The following WDPCP variants were observed in gnomAD, a reference collection of about 807,000 sequenced individuals.
WDPCP encodes the protein WD repeat containing planar cell polarity effector.
In WDPCP, 71 loss-of-function variants were observed where a neutral mutation model predicts 93.1. That is an observed-to-expected ratio of 0.76 (90% confidence interval 0.63 to 0.93). The LOEUF is 0.93. WDPCP is among the 40% of genes least tolerant of loss of function. WDPCP has a pLI of 0.00. For synonymous variants in WDPCP, 315 were observed against 315.0 expected, an observed-to-expected ratio of 1.00 and a Z score of 0.00; for missense variants, 844 against 887.4, an observed-to-expected ratio of 0.95 and a Z score of 0.62.
At chr2:63,798,590 A>G (rs1342836748) in intron 2 of WDPCP, among the ~76,000 whole-genome samples, 4 of 152,162 alleles carry the variant, frequency 2.6e-5, no homozygotes, top group African/African-American at 9.6e-5. Context: ...AAAATAAAAA[A>G]CAAGAAACTA....
chr2:63,295,129 A>T (rs562739546), intron 13 of WDPCP, among the ~76,000 whole-genome samples: 26 of 152,158 alleles, frequency 1.7e-4, no homozygotes, highest in Non-Finnish European at 2.9e-4. Context: ...CCCCATGATA[A>T]CTGCAAAGAA....
chr2:63,426,428 G>T (rs1413044522), intron 9 of WDPCP, among the ~76,000 whole-genome samples: 5 of 152,046 alleles, frequency 3.3e-5, no homozygotes, highest in Non-Finnish European at 7.4e-5. Flanking sequence ...TTCCAACCAA[G>T]AATTTCATAT....
chr2:63,461,028 ACTGATAGT>A (rs1435241069), intron 6 of WDPCP, among the ~76,000 whole-genome samples: 1 of 152,214 alleles, frequency 6.6e-6, no homozygotes, highest in Admixed American at 6.5e-5. Flanking sequence ...GGAAGAGACA[ACTGATAGT>A]CTGGGATCTA....
intron 2 of WDPCP, 147 bp from the exon 3 acceptor site, chr2:63,487,641 C>A: frequency 3.5e-6 from 2 of 569,886 alleles, no homozygotes; most frequent in East Asian, 2.9e-5. Flanking sequence ...CAAAAGCATC[C>A]GGAGATGAGT....
chr2:63,279,080 C>T (rs1335967071), intron 13 of WDPCP, among the ~76,000 whole-genome samples: 1 of 152,158 alleles, frequency 6.6e-6, no homozygotes, highest in Non-Finnish European at 1.5e-5. Flanking sequence ...ACCAATCCTA[C>T]TGACACTATT....
At chr2:63,588,101 C>T in intron 1 of WDPCP, 96 bp downstream of exon 1, 2 of 1,434,662 alleles carry the variant, frequency 1.4e-6, no homozygotes, top group African/African-American at 1.4e-5. Context: ...TTGCAGGCAT[C>T]CGCACAGCGG....
intron 13 of WDPCP, among the ~76,000 whole-genome samples, chr2:63,308,699 C>T (rs1290115049): frequency 1.3e-5 from 2 of 151,972 alleles, no homozygotes; most frequent in Non-Finnish European, 1.5e-5. Context: ...AGAGTGAGAA[C>T]ACATGGACAC....
chr2:63,405,532 AGTGTGTGTGTGTGTGTGTGTGTGTGTGT>A (rs55807956), intron 9 of WDPCP, among the ~76,000 whole-genome samples: 24 of 125,010 alleles, frequency 1.9e-4, no homozygotes, highest in African/African-American at 7.2e-4. Context: ...ATTTTGGTAT[AGTGTGTGTGTGTGTGTGTGTGTGTGTGT>A]GTGTGTGTGT....
intron 13 of WDPCP, among the ~76,000 whole-genome samples, chr2:63,260,558 A>G (rs1304860649): frequency 4.6e-5 from 7 of 152,116 alleles, no homozygotes; most frequent in Non-Finnish European, 1.0e-4. Flanking sequence ...TTATTTATTA[A>G]TTTATTTTTT....
chr2:63,217,358 AC>A (rs1001003307), intron 14 of WDPCP, among the ~76,000 whole-genome samples: 2 of 152,186 alleles, frequency 1.3e-5, no homozygotes, highest in African/African-American at 4.8e-5. Flanking sequence ...GGCCCACAAA[AC>A]CTAAAATACT....
intron 14 of WDPCP, among the ~76,000 whole-genome samples, chr2:63,214,456 A>G (rs1329127678): frequency 1.3e-5 from 2 of 152,228 alleles, no homozygotes; most frequent in Non-Finnish European, 2.9e-5. Flanking sequence ...TAAACTAGGT[A>G]TTCATGGGAT....
intron 14 of WDPCP, among the ~76,000 whole-genome samples, chr2:63,212,184 A>G (rs896341314): frequency 3.3e-5 from 5 of 152,304 alleles, no homozygotes; most frequent in Non-Finnish European, 7.3e-5. Context: ...CCGAAGTTGA[A>G]ATGAAGGAAA....
intron 2 of WDPCP, among the ~76,000 whole-genome samples, chr2:63,723,363 T>C (rs922237485): frequency 7.2e-5 from 11 of 152,158 alleles, no homozygotes; most frequent in African/African-American, 2.7e-4. Flanking sequence ...TCTTCAGATT[T>C]CAAAGTATAT....
intron 17 of WDPCP, among the ~76,000 whole-genome samples, chr2:63,135,229 G>T (rs1011847971): frequency 7.9e-5 from 12 of 152,212 alleles, no homozygotes; most frequent in Non-Finnish European, 1.3e-4. Flanking sequence ...ATGTTTTTAA[G>T]ATCTCAGTGA....
chr2:63,292,954 C>A (rs184325600), intron 13 of WDPCP, among the ~76,000 whole-genome samples: 87 of 152,294 alleles, frequency 5.7e-4, no homozygotes, highest in African/African-American at 2.1e-3. Context: ...CAACTGTGCA[C>A]ACCTTCCAGA....
intron 17 of WDPCP, among the ~76,000 whole-genome samples, chr2:63,149,773 G>GTTCCACTTAT (rs1671769226): frequency 6.6e-6 from 1 of 152,110 alleles, no homozygotes; most frequent in African/African-American, 2.4e-5. Context: ...AGTTCAGAAA[G>GTTCCACTTAT]AAGTAAAACT....
chr2:63,260,800 G>A (rs2951180), intron 13 of WDPCP, among the ~76,000 whole-genome samples: 95,754 of 152,004 alleles, frequency 0.63, 31,996 homozygotes, highest in East Asian at 0.86. Flanking sequence ...TGCCCGCCTC[G>A]GCCTCCAAAA....
At chr2:63,789,833 T>C (rs975830368) in intron 2 of WDPCP, among the ~76,000 whole-genome samples, 2 of 152,194 alleles carry the variant, frequency 1.3e-5, no homozygotes, top group African/African-American at 4.8e-5. Context: ...TTACACTGTA[T>C]AATGCGAAAC....
intron 6 of WDPCP, among the ~76,000 whole-genome samples, chr2:63,450,076 T>G (rs1436896435): frequency 6.6e-6 from 1 of 152,154 alleles, no homozygotes. Context: ...GAGCTCCCTA[T>G]CTAGGGATGT....
Sources: gnomAD v4.1 joint callset for allele counts (sites outside exome capture counted in the v4.1 genomes callset) on GRCh38, gnomAD v4.1.1 for gene constraint, MANE v1.5 for transcripts, NCBI Gene and HGNC (gene_info 2026-07-23, HGNC 2026-07-21) for gene names.